Variants in SLC17A8 observed in about 807,000 individuals in gnomAD.
SLC17A8 encodes solute carrier family 17 member 8, also known as vesicular glutamate transporter 3.
In SLC17A8, 31 loss-of-function variants were observed where a neutral mutation model predicts 58.0. The observed-to-expected ratio is 0.53, with a 90% CI of 0.40 to 0.72. SLC17A8 has a LOEUF of 0.72. Ranked by LOEUF, SLC17A8 falls within the 30% of genes least tolerant of loss-of-function variation. SLC17A8 has a pLI of 0.00. For synonymous variants in SLC17A8, 228 were observed against 249.0 expected (o/e 0.92, Z 0.79); for missense variants, 655 against 727.8 (o/e 0.90, Z 1.15).
At chr12:100,369,442 G>A (rs977320410) in intron 1 of SLC17A8, among the ~76,000 whole-genome samples, 2 of 152,230 alleles carry the variant, frequency 1.3e-5, no homozygotes, top group Non-Finnish European at 2.9e-5. Context: ...TCTAAGTGTT[G>A]ATTATATTGA....
intron 1 of SLC17A8, among the ~76,000 whole-genome samples, chr12:100,377,880 G>T (rs980661336): frequency 2.0e-5 from 3 of 152,122 alleles, no homozygotes; most frequent in Non-Finnish European, 4.4e-5. Context: ...GAGCCACCGC[G>T]CCCAGCCTGA....
intron 1 of SLC17A8, among the ~76,000 whole-genome samples, 189 bp from the exon 2 acceptor site, chr12:100,380,509 TTAA>T (rs1055521205): frequency 2.6e-5 from 4 of 150,982 alleles, no homozygotes; most frequent in South Asian, 2.1e-4. Context: ...ATAACTTACT[TTAA>T]TAATAATAAT....
chr12:100,396,280 A>G (rs1299374873), intron 4 of SLC17A8, 50 bp from the exon 5 acceptor site: 1 of 1,429,768 alleles, frequency 7.0e-7, no homozygotes, highest in Non-Finnish European at 9.9e-7. Context: ...TTTAAACACA[A>G]GCAGAAACTA....
intron 11 of SLC17A8, among the ~76,000 whole-genome samples, chr12:100,419,025 T>A (rs1219297916): frequency 6.6e-6 from 1 of 152,004 alleles, no homozygotes; most frequent in African/African-American, 2.4e-5. Context: ...TTTGACATAC[T>A]TTTTTTTACA....
chr12:100,396,523 AG>A, intron 5 of SLC17A8, 106 bp downstream of exon 5: 1 of 820,358 alleles, frequency 1.2e-6, no homozygotes, highest in Non-Finnish European at 2.1e-6. Context: ...CCGAGGCAGG[AG>A]GATCCCTGGA....
In SLC17A8 at chr12:100,384,270, C is replaced by T. The variant is rs75446078; in HGVS notation, c.354+3317C>T. Among the ~76,000 whole-genome samples the T allele has an allele frequency of 6.4e-3, 971 of 152,064 alleles. 47 individuals carry two copies. The East Asian group carries it at 0.13, about 20-fold the overall frequency. On this transcript the variant is annotated intron_variant, in intron 2 of 11. Transcript: ENST00000323346. ...TGTCCTGGTCAGAGATTGCTGGTTGCGAAGAAATGTGCAGTGAAACTGGCT... is the reference window on the plus strand; with the variant it reads ...TGTCCTGGTCAGAGATTGCTGGTTGTGAAGAAATGTGCAGTGAAACTGGCT...
chr12:100,371,997 A>G (rs1952562107), intron 1 of SLC17A8, among the ~76,000 whole-genome samples: 1 of 152,190 alleles, frequency 6.6e-6, no homozygotes, highest in African/African-American at 2.4e-5. Context: ...TGGAGTCCCT[A>G]GAGTGTAGCA....
intron 1 of SLC17A8, among the ~76,000 whole-genome samples, chr12:100,375,665 T>C (rs536969969): frequency 6.6e-6 from 1 of 152,362 alleles, no homozygotes; most frequent in East Asian, 1.9e-4. Context: ...AGCCTTCATC[T>C]AAAGCATCTG....
chr12:100,374,213 T>TGCCC (rs1311993725), intron 1 of SLC17A8, among the ~76,000 whole-genome samples: 1 of 152,218 alleles, frequency 6.6e-6, no homozygotes, highest in Admixed American at 6.5e-5. Flanking sequence ...GTTATCTGAC[T>TGCCC]GCCCAGAAGC....
In SLC17A8 at chr12:100,419,956, A is replaced by C; in HGVS notation, c.1567A>C (p.Ile523Leu). Residue 523 changes from isoleucine to leucine, a missense_variant, in exon 12 of 12, where the codon ATT (isoleucine) becomes CTT (leucine). Ile to Leu is a conservative substitution (Grantham distance 5, BLOSUM62 2). Coordinates refer to ENST00000323346, the MANE Select transcript of SLC17A8 (RefSeq NM_139319.3). The stretch of plus-strand genomic sequence containing the variant: ...TCTCTCTGAGGAGAAATGTGGAATC[A>C]TTGACCAGGACGAATTAGCTGAGGA... ...ENLSEEKCGI[I>L]DQDELAEEIE... 1 of 1,614,172 alleles carries C rather than the reference A, an allele frequency of 6.2e-7. No individual in the cohort carries two copies. The highest frequency in any genetic ancestry group is 8.5e-7 in the Non-Finnish European group (1 of 1,180,042).
chr12:100,404,235 G>A lies in SLC17A8; in HGVS notation c.1186+65G>A, dbSNP rs76334646. The A allele has an allele frequency of 1.8e-4, 281 of 1,597,124 alleles. 1 individual carries two copies. In the African/African-American group the frequency reaches 3.3e-3, roughly 19 times the overall value. On this transcript the variant is annotated intron_variant, in intron 9 of 11. Transcript: ENST00000323346. ...GAATTAGGGTAAACTGAACTGCAGA[G>A]CATATATTAAGAAGTGACATTTAGT... is the stretch of plus-strand genomic sequence containing the variant.
chr12:100,412,788 C>A lies in SLC17A8; in HGVS notation c.1205C>A (p.Thr402Asn). 1 of 1,613,962 alleles carries A rather than the reference C, an allele frequency of 6.2e-7. No individual in the cohort carries two copies. The highest frequency in any genetic ancestry group is 8.5e-7 in the Non-Finnish European group (1 of 1,179,930). Reference protein sequence around the residue: ...MNCGGFGMEATLLLVVGFSHT... With the variant: ...MNCGGFGMEANLLLVVGFSHT... ...TTTGCAGGTTTTGGCATGGAGGCAA[C>A]CTTACTCCTGGTGGTTGGCTTTTCG... Residue 402 changes from threonine (T) to asparagine (N), a missense_variant, in exon 10 of 12, where the codon ACC becomes AAC. Thr to Asn is a moderately conservative substitution (Grantham distance 65). Coordinates refer to ENST00000323346, the MANE Select transcript of SLC17A8 (RefSeq NM_139319.3).
chr12:100,361,793 T>A (rs551243446), intron 1 of SLC17A8, among the ~76,000 whole-genome samples: 1 of 152,074 alleles, frequency 6.6e-6, no homozygotes, highest in Non-Finnish European at 1.5e-5. Context: ...GAAACCTGTC[T>A]CTACTAAAAG....
chr12:100,411,672 T>C (rs1017977706), intron 9 of SLC17A8, among the ~76,000 whole-genome samples: 1 of 152,160 alleles, frequency 6.6e-6, no homozygotes, highest in African/African-American at 2.4e-5. Context: ...GATATTTATA[T>C]CATTTTTCTG....
chr12:100,372,200 T>C (rs137958408), intron 1 of SLC17A8, among the ~76,000 whole-genome samples: 2,159 of 152,288 alleles, frequency 0.014, 48 homozygotes, highest in African/African-American at 0.05. Context: ...TTTCTCACAG[T>C]TCTGGAAGCT....
chr12:100,391,142 G>A, intron 3 of SLC17A8, 23 bp downstream of exon 3: 1 of 1,472,758 alleles, frequency 6.8e-7, no homozygotes, highest in Non-Finnish European at 9.5e-7. Flanking sequence ...GATATAACAT[G>A]ATACAAACCA....
chr12:100,391,894 G>A (rs1952719363), intron 3 of SLC17A8, among the ~76,000 whole-genome samples: 1 of 152,184 alleles, frequency 6.6e-6, no homozygotes, highest in African/African-American at 2.4e-5. Context: ...GGTTTTCTCA[G>A]ATGAGTGGTG....
intron 4 of SLC17A8, among the ~76,000 whole-genome samples, chr12:100,396,117 A>G (rs117895170): frequency 0.019 from 2,945 of 152,312 alleles, 30 homozygotes; most frequent in Non-Finnish European, 0.03. Flanking sequence ...CTTATTACTT[A>G]GTCACTTCCC....
rs1411471317 is a variant in SLC17A8 at position 100,380,887 on chromosome 12, T to G, written c.288T>G (p.Leu96=). ...FCISFGIRCN[L]GVAIVEMVNN... The stretch of plus-strand genomic sequence containing the variant: ...TTTCCTTTGGGATCCGGTGCAATCT[T>G]GGAGTTGCCATTGTGGAAATGGTCA... The change falls in exon 2 of 12, where the codon CTT becomes CTG. Residue 96 remains leucine, a synonymous_variant. Coordinates refer to ENST00000323346, the MANE Select transcript of SLC17A8 (RefSeq NM_139319.3). 1 of 1,614,068 alleles carries G rather than the reference T, an allele frequency of 6.2e-7. No homozygotes were observed. Among genetic ancestry groups the G allele is most frequent in the Non-Finnish European group, 8.5e-7 (1 of 1,180,044 alleles).
Sources: gnomAD v4.1 joint callset for allele counts (sites outside exome capture counted in the v4.1 genomes callset) on GRCh38, gnomAD v4.1.1 for gene constraint, MANE v1.5 for transcripts, NCBI Gene and HGNC (gene_info 2026-07-23, HGNC 2026-07-21) for gene names.